GLRA2: variants seen among roughly 807,000 people sequenced by gnomAD.
The protein encoded by GLRA2 is glycine receptor alpha 2, also known as glycine receptor subunit alpha-2.
In GLRA2, 11 loss-of-function variants were observed where a neutral mutation model predicts 31.6. The observed-to-expected ratio is 0.35, with a 90% CI of 0.22 to 0.58. GLRA2 has a LOEUF of 0.58. GLRA2 is among the 20% of genes least tolerant of loss of function. The probability of loss-of-function intolerance (pLI) is 0.84; values close to 1 mark genes in which losing one functional copy is unlikely to be tolerated. For synonymous variants in GLRA2, 132 were observed against 134.0 expected, an observed-to-expected ratio of 0.99 and a Z score of 0.10; for missense variants, 212 against 351.8, an observed-to-expected ratio of 0.60 and a Z score of 3.18.
chrX:14,651,626 T>G (rs1022504273), intron 7 of GLRA2, among the ~76,000 whole-genome samples: 1 of 111,815 alleles, frequency 8.9e-6, no homozygotes, highest in African/African-American at 3.2e-5. Context: ...AGATATGCCA[T>G]ATAGCCTAGA....
At chrX:14,620,130 C>A (rs2147106946) in intron 7 of GLRA2, among the ~76,000 whole-genome samples, 1 of 108,670 alleles carries the variant, frequency 9.2e-6, no homozygotes, top group South Asian at 4.1e-4. Context: ...ATTTCTTTTT[C>A]TTTGATATAT....
intron 4 of GLRA2, among the ~76,000 whole-genome samples, chrX:14,589,243 A>G (rs1436812758): frequency 1.8e-5 from 2 of 110,965 alleles, no homozygotes; most frequent in Admixed American, 9.6e-5. Context: ...ATTTTGAGCG[A>G]TGTTCCTTTG....
chrX:14,552,468 C>T (rs1441865395), intron 2 of GLRA2, among the ~76,000 whole-genome samples: 1 of 112,430 alleles, frequency 8.9e-6, no homozygotes, highest in Non-Finnish European at 1.9e-5. Context: ...AATCCAGAAG[C>T]TAATGTTCAG....
chrX:14,450,885 A>AT, the GLRA2 span, among the ~76,000 whole-genome samples: 2 of 111,212 alleles, frequency 1.8e-5, no homozygotes, highest in Non-Finnish European at 3.8e-5. Flanking sequence ...TAATTTTTGT[A>AT]TTTTTAATAG....
At position 14,624,236 on chromosome X, in the gene GLRA2, T is replaced by C. The variant is rs1001923592; in HGVS notation, c.930+15031T>C. Among the ~76,000 whole-genome samples the C allele has an allele frequency of 5.4e-5, 6 of 111,395 alleles. 1 individual carries two copies. Among genetic ancestry groups the C allele is most frequent in the South Asian group, 7.5e-4 (2 of 2,680 alleles). Reference sequence around the variant, plus strand: ...TTTATTGCATCTATTTGATTCTTCTTTCTTTTCTTCTTTATTATTCTTGCT... The same window carrying C: ...TTTATTGCATCTATTTGATTCTTCTCTCTTTTCTTCTTTATTATTCTTGCT... On this transcript the variant is annotated intron_variant, in intron 7 of 8. Transcript: ENST00000218075.
the GLRA2 span, among the ~76,000 whole-genome samples, chrX:14,498,936 A>G: frequency 2.7e-5 from 3 of 112,276 alleles, no homozygotes; most frequent in Non-Finnish European, 5.6e-5. Flanking sequence ...GCTGCAAATC[A>G]CAGGATTTCA....
At chrX:14,493,570 CAT>C in the GLRA2 span, among the ~76,000 whole-genome samples, 1 of 103,214 alleles carries the variant, frequency 9.7e-6, no homozygotes, top group Non-Finnish European at 2.0e-5. Flanking sequence ...CACATATATA[CAT>C]ATATACATAT....
chrX:14,581,658 C>G (rs763253621), intron 4 of GLRA2, among the ~76,000 whole-genome samples: 37 of 110,402 alleles, frequency 3.4e-4, no homozygotes, highest in Non-Finnish European at 2.8e-4. Context: ...CAAATGTGTT[C>G]CTGATTGCTT....
intron 3 of GLRA2, among the ~76,000 whole-genome samples, chrX:14,578,797 C>T (rs1267732817): frequency 9.0e-6 from 1 of 111,386 alleles, no homozygotes; most frequent in Admixed American, 9.6e-5. Flanking sequence ...ATATAGCTTT[C>T]CCATAAGTTT....
intron 4 of GLRA2, among the ~76,000 whole-genome samples, chrX:14,597,562 G>C (rs16979622): frequency 0.037 from 4,093 of 110,962 alleles, 126 homozygotes; most frequent in African/African-American, 0.097. Context: ...GGAGAGGCTG[G>C]AGGAGTTTTT....
chrX:14,490,408 C>G, the GLRA2 span, among the ~76,000 whole-genome samples: 1 of 112,063 alleles, frequency 8.9e-6, no homozygotes, highest in Non-Finnish European at 1.9e-5. Flanking sequence ...TAATTCACTT[C>G]TAGTGAGTTT....
the GLRA2 span, among the ~76,000 whole-genome samples, chrX:14,495,861 T>G: frequency 5.4e-5 from 6 of 110,577 alleles, no homozygotes; most frequent in Non-Finnish European, 1.1e-4. Context: ...TAATGATACC[T>G]CAGGGACTTT....
intron 7 of GLRA2, among the ~76,000 whole-genome samples, chrX:14,689,452 A>G (rs1265369783): frequency 8.9e-6 from 1 of 112,574 alleles, no homozygotes; most frequent in Non-Finnish European, 1.9e-5. Context: ...GGGAAATGCA[A>G]AGATACAAAC....
intron 7 of GLRA2, among the ~76,000 whole-genome samples, chrX:14,654,515 T>C (rs1374921004): frequency 2.7e-5 from 3 of 112,097 alleles, no homozygotes; most frequent in African/African-American, 9.7e-5. Context: ...ATATTCACTT[T>C]ATTGCAGTGG....
intron 2 of GLRA2, among the ~76,000 whole-genome samples, chrX:14,550,334 T>A: frequency 9.6e-6 from 1 of 104,415 alleles, no homozygotes; most frequent in Non-Finnish European, 2.0e-5. Flanking sequence ...AAAGTACGAG[T>A]GAGATAGAGG....
chrX:14,532,680 G>A (rs2089273039), intron 2 of GLRA2, among the ~76,000 whole-genome samples: 1 of 111,378 alleles, frequency 9.0e-6, no homozygotes, highest in Non-Finnish European at 1.9e-5. Flanking sequence ...GCAAGTGATA[G>A]ACTTGACTTG....
At chrX:14,727,092 T>C (rs2091937937) in intron 8 of GLRA2, among the ~76,000 whole-genome samples, 1 of 111,823 alleles carries the variant, frequency 8.9e-6, no homozygotes, top group Non-Finnish European at 1.9e-5. Flanking sequence ...GGTTGTACAT[T>C]TTAGAGATGG....
chrX:14,611,956 C>A (rs748515135), intron 7 of GLRA2, among the ~76,000 whole-genome samples: 1 of 111,904 alleles, frequency 8.9e-6, no homozygotes, highest in East Asian at 2.8e-4. Context: ...AGACTTGAAG[C>A]AGAATCCATG....
chrX:14,637,604 G>T (rs2147125048), intron 7 of GLRA2, among the ~76,000 whole-genome samples: 1 of 111,926 alleles, frequency 8.9e-6, no homozygotes, highest in East Asian at 2.8e-4. Context: ...CTGATGGGAG[G>T]CTAATTATAG....
Sources: allele counts gnomAD v4.1 joint callset (sites outside exome capture counted in the v4.1 genomes callset), GRCh38; gene constraint gnomAD v4.1.1; transcripts MANE v1.5; gene names NCBI Gene and HGNC (gene_info 2026-07-23, HGNC 2026-07-21).